Variants in TOR1AIP1 observed in about 807,000 individuals in gnomAD.
TOR1AIP1 encodes torsin 1A interacting protein 1.
A neutral mutation model predicts 63.3 loss-of-function variants in TOR1AIP1; 54 were observed. The observed-to-expected ratio is 0.85, with a 90% CI of 0.69 to 1.07. TOR1AIP1 has a LOEUF of 1.07. Ranked by LOEUF, TOR1AIP1 falls within the 50% of genes least tolerant of loss-of-function variation. TOR1AIP1 has a pLI of 0.00. For missense variants in TOR1AIP1, 736 were observed against 715.0 expected (o/e 1.03, Z -0.33); for synonymous variants, 294 against 273.5 (o/e 1.07, Z -0.74).
intron 2 of TOR1AIP1, among the ~76,000 whole-genome samples, chr1:179,885,665 A>G (rs1647889826): frequency 1.3e-5 from 2 of 152,228 alleles, no homozygotes; most frequent in South Asian, 4.1e-4. Context: ...AATGTGAGCT[A>G]TTGTATTCTA....
Position 179,884,847 on chromosome 1 carries a change from T to C in TOR1AIP1, c.553+78T>C, listed in dbSNP as rs78419247. The C allele has an allele frequency of 2.3e-3, 2,726 of 1,177,776 alleles. 43 individuals carry two copies. In the African/African-American group the frequency reaches 0.031, roughly 14 times the overall value. The allele number at this position is 1,177,776 out of a possible 1,614,324, so 73.0% of individuals were successfully genotyped here. ...TTCATTGAATTAAACAATGTAAGTATGTGTAAAGAAAAGACAAGGGCAGAC... is the reference window on the plus strand; with the variant it reads ...TTCATTGAATTAAACAATGTAAGTACGTGTAAAGAAAAGACAAGGGCAGAC... On this transcript the variant is annotated intron_variant, in intron 2 of 9. Transcript: ENST00000606911.
chr1:179,900,895 G>T (rs901929752), intron 4 of TOR1AIP1, among the ~76,000 whole-genome samples: 1 of 151,988 alleles, frequency 6.6e-6, no homozygotes, highest in Non-Finnish European at 1.5e-5. Context: ...TTGTGTGCAG[G>T]TGTGTGTACA....
chr1:179,892,946 G>T, intron 3 of TOR1AIP1, among the ~76,000 whole-genome samples: 1 of 151,860 alleles, frequency 6.6e-6, no homozygotes. Flanking sequence ...TGTGGGTTTA[G>T]TAGAAAGAAT....
intron 8 of TOR1AIP1, among the ~76,000 whole-genome samples, chr1:179,912,022 C>CT (rs1553244275): frequency 1.5e-5 from 1 of 66,340 alleles, no homozygotes; most frequent in African/African-American, 5.8e-5. Context: ...TTTTTTTTTT[C>CT]TTTTTTCTTT....
At chr1:179,910,975 T>G (rs534596805) in intron 8 of TOR1AIP1, among the ~76,000 whole-genome samples, 2 of 152,226 alleles carry the variant, frequency 1.3e-5, no homozygotes, top group African/African-American at 4.8e-5. Flanking sequence ...TGATAGCTAA[T>G]TTTTAGTATT....
chr1:179,883,526 A>G, intron 1 of TOR1AIP1: 1 of 435,496 alleles, frequency 2.3e-6, no homozygotes, highest in Non-Finnish European at 4.6e-6. Context: ...GACCTCACCC[A>G]ATACTTTCAC....
chr1:179,882,657 A>T lies in TOR1AIP1; in HGVS notation c.155A>T (p.Gln52Leu), dbSNP rs139690983. ...GCGTACAGAACTCCTCCGTCGCGCC[A>T]GGGCCGGCGGGAAGTGAGGTTCTCG... ...APAYRTPPSRQGRREVRFSDE... is the reference protein window; with the variant it reads ...APAYRTPPSRLGRREVRFSDE... The change falls in exon 1 of 10, where the codon CAG (glutamine) becomes CTG (leucine). Residue 52 changes from glutamine to leucine, a missense_variant. Transcript: ENST00000606911. 1.4e-4 allele frequency: 223 copies of T among 1,584,166 alleles called. 1 individual carries two copies. In the African/African-American group the frequency reaches 2.7e-3, roughly 19 times the overall value.
chr1:179,902,075 G>C (rs1014851521), intron 5 of TOR1AIP1, among the ~76,000 whole-genome samples: 10 of 143,750 alleles, frequency 7.0e-5, no homozygotes, highest in Non-Finnish European at 1.2e-4. Context: ...ACCCATGCTG[G>C]AGTGCAGTGG....
At chr1:179,902,558 C>T (rs1055285400) in intron 5 of TOR1AIP1, among the ~76,000 whole-genome samples, 5 of 152,036 alleles carry the variant, frequency 3.3e-5, no homozygotes, top group Non-Finnish European at 7.4e-5. Flanking sequence ...TGGCATTATA[C>T]GCTGGTTGTT....
At chr1:179,893,158 G>A (rs1210469037) in intron 3 of TOR1AIP1, among the ~76,000 whole-genome samples, 3 of 152,002 alleles carry the variant, frequency 2.0e-5, no homozygotes, top group African/African-American at 7.2e-5. Context: ...AGGGAGAATT[G>A]CCTGAACCGG....
At position 179,917,561 on chromosome 1, in the gene TOR1AIP1, T is replaced by A. The variant is rs753180473; in HGVS notation, c.1074T>A (p.Pro358=). Residue 358 remains proline, a synonymous_variant, in exon 10 of 10, where the codon CCT becomes CCA. Coordinates refer to ENST00000606911, the MANE Select transcript of TOR1AIP1 (RefSeq NM_015602.4). The stretch of plus-strand genomic sequence containing the variant: ...GGAGTTTTTGGTTCTTTAGTACTCC[T>A]GAGGTAGAAACCACTGCTGTTCAAG... The part of the protein sequence containing the change: ...ASGSFWFFST[P]EVETTAVQEF... The A allele has an allele frequency of 1.1e-5, 17 of 1,614,088 alleles. No individual in the cohort carries two copies. The Admixed American group carries it at 2.8e-4, about 27-fold the overall frequency.
intron 5 of TOR1AIP1, 53 bp from the exon 6 acceptor site, chr1:179,903,913 G>T: frequency 7.9e-7 from 1 of 1,259,092 alleles, no homozygotes; most frequent in Non-Finnish European, 1.1e-6. Context: ...CTTGTAAAAT[G>T]TACAGTCTAA....
chr1:179,911,876 G>T (rs142153531), intron 8 of TOR1AIP1, among the ~76,000 whole-genome samples: 1 of 152,014 alleles, frequency 6.6e-6, no homozygotes, highest in Non-Finnish European at 1.5e-5. Context: ...AGAATCAATA[G>T]CAACTATGGA....
At chr1:179,916,700 C>CTTT (rs3029850) in intron 9 of TOR1AIP1, among the ~76,000 whole-genome samples, 1,479 of 95,074 alleles carry the variant, frequency 0.016, 65 homozygotes, top group East Asian at 0.022. Context: ...GCATCCTTTT[C>CTTT]TTTTTTTTTT....
rs765961500 is a variant in TOR1AIP1, at chr1:179,908,630, G to A, written c.864G>A (p.Gln288=). 1.2e-5 allele frequency: 20 copies of A among 1,613,336 alleles called. No homozygotes were observed. Among genetic ancestry groups the A allele is most frequent in the Admixed American group, 6.7e-5 (4 of 59,958 alleles). ...GCTCAGGATATCAAAAAACTCCCCA[G>A]GAATGGGCCCCACAAACTGCAAGAA... ...VLSSGYQKTP[Q]EWAPQTARIR... The change falls in exon 8 of 10, where the codon CAG becomes CAA. Residue 288 remains glutamine (Q), a synonymous_variant. Coordinates refer to ENST00000606911, the MANE Select transcript of TOR1AIP1 (RefSeq NM_015602.4).
At chr1:179,915,228 A>G (rs1319275745) in intron 9 of TOR1AIP1, among the ~76,000 whole-genome samples, 1 of 152,222 alleles carries the variant, frequency 6.6e-6, no homozygotes, top group East Asian at 1.9e-4. Flanking sequence ...AACAAGTGGT[A>G]GTTTCTTAAA....
intron 9 of TOR1AIP1, among the ~76,000 whole-genome samples, chr1:179,916,700 C>CTTTTTTTTTTT (rs3029850): frequency 5.3e-5 from 5 of 95,180 alleles, no homozygotes; most frequent in Non-Finnish European, 7.7e-5. Context: ...GCATCCTTTT[C>CTTTTTTTTTTT]TTTTTTTTTT....
Position 179,919,412 on chromosome 1 carries a change from C to T in TOR1AIP1, c.*1173C>T, listed in dbSNP as rs1237617043. 4 of 152,172 alleles carry T rather than the reference C, an allele frequency of 2.6e-5. No homozygotes were observed. The South Asian group carries it at 6.2e-4, about 24-fold the overall frequency. 9.4% of individuals were successfully genotyped at this position (152,172 alleles called of 1,614,324 possible). A position where few individuals can be genotyped will look rare whatever the true frequency, so the allele number is the denominator to read the frequency against. ...CTATTGAAGAAGATTTCATTTTCCGCGCATCCACTTGTTGCAGTCCAAGTC... is the reference window on the plus strand; with the variant it reads ...CTATTGAAGAAGATTTCATTTTCCGTGCATCCACTTGTTGCAGTCCAAGTC... On this transcript the variant is annotated 3_prime_UTR_variant, in exon 10 of 10. Transcript: ENST00000606911.
chr1:179,890,071 A>G (rs574036643), intron 3 of TOR1AIP1, among the ~76,000 whole-genome samples: 1 of 152,234 alleles, frequency 6.6e-6, no homozygotes, highest in Admixed American at 6.5e-5. Context: ...GTGATTCTTT[A>G]TGATGATTTT....
Sources: gnomAD v4.1 joint callset for allele counts (sites outside exome capture counted in the v4.1 genomes callset) on GRCh38, gnomAD v4.1.1 for gene constraint, MANE v1.5 for transcripts, NCBI Gene and HGNC (gene_info 2026-07-23, HGNC 2026-07-21) for gene names.